Variants in HCN1 observed in about 807,000 individuals in gnomAD.
HCN1 encodes potassium/sodium hyperpolarization-activated cyclic nucleotide-gated channel 1.
In HCN1, 13 loss-of-function variants were observed where a neutral mutation model predicts 78.9. The ratio of observed to expected loss-of-function variants is 0.16; its 90% CI spans 0.11 to 0.26. The LOEUF (loss-of-function observed/expected upper bound fraction) is 0.26, where lower values mean the gene tolerates loss of function less well. Among genes scored for constraint, HCN1 ranks in the 10% least tolerant of loss-of-function variants. The pLI, the probability that HCN1 is intolerant of heterozygous loss-of-function variation, is 1.00. For synonymous variants in HCN1, 552 were observed against 455.5 expected, an observed-to-expected ratio of 1.21 and a Z score of -2.70; for missense variants, 810 against 1,154.3, an observed-to-expected ratio of 0.70 and a Z score of 4.32.
chr5:45,537,375 T>G (rs1363597844), intron 2 of HCN1, among the ~76,000 whole-genome samples: 2 of 149,008 alleles, frequency 1.3e-5, no homozygotes, highest in African/African-American at 4.9e-5. Context: ...AAAATCCTGG[T>G]ACACAGCTGA....
intron 2 of HCN1, among the ~76,000 whole-genome samples, chr5:45,497,554 G>T (rs1282167269): frequency 6.6e-6 from 1 of 152,018 alleles, no homozygotes; most frequent in African/African-American, 2.4e-5. Flanking sequence ...CCATTGGCTT[G>T]GTAGACCTTC....
At chr5:45,596,876 T>C (rs1050254166) in intron 2 of HCN1, among the ~76,000 whole-genome samples, 7 of 152,136 alleles carry the variant, frequency 4.6e-5, no homozygotes. Flanking sequence ...ATATCTTAAG[T>C]GAAAAGGCAA....
intron 1 of HCN1, among the ~76,000 whole-genome samples, chr5:45,682,280 TATATATATACAC>T (rs1488682068): frequency 1.8e-5 from 2 of 113,800 alleles, no homozygotes; most frequent in Admixed American, 8.9e-5. Flanking sequence ...TACATATATA[TATATATATACAC>T]ATATATATAT....
At chr5:45,296,023 G>T (rs569713972) in intron 6 of HCN1, among the ~76,000 whole-genome samples, 2 of 152,030 alleles carry the variant, frequency 1.3e-5, no homozygotes, top group East Asian at 1.9e-4. Flanking sequence ...TCTGTAAACT[G>T]CCCATAAAAG....
In HCN1 at chr5:45,256,753, C is replaced by T. The variant is rs1744624436; in HGVS notation, c.*5168G>A. On this transcript the variant is annotated 3_prime_UTR_variant, in exon 8 of 8. Transcript: ENST00000303230. ...TGGTCAATTAAAAAAATTTTTTTTC[C>T]TTGTAGAGACCAGGTCTTGACATGC... The T allele has an allele frequency of 6.6e-6, 1 of 152,032 alleles. No individual in the cohort carries two copies. Among genetic ancestry groups the T allele is most frequent in the East Asian group, 1.9e-4 (1 of 5,194 alleles). 9.4% of individuals were successfully genotyped at this position (152,032 alleles called of 1,614,324 possible). A position where few individuals can be genotyped will look rare whatever the true frequency, so the allele number is the denominator to read the frequency against.
chr5:45,338,412 G>A (rs1242804078), intron 5 of HCN1, among the ~76,000 whole-genome samples: 1 of 152,116 alleles, frequency 6.6e-6, no homozygotes, highest in Non-Finnish European at 1.5e-5. Context: ...AAGATAACAT[G>A]TTGTTGACAT....
chr5:45,338,747 A>G (rs1746515329), intron 5 of HCN1, among the ~76,000 whole-genome samples: 1 of 152,132 alleles, frequency 6.6e-6, no homozygotes, highest in African/African-American at 2.4e-5. Context: ...TATCACTGTG[A>G]CTTGAATGTA....
At chr5:45,609,405 C>A (rs539578260) in intron 2 of HCN1, among the ~76,000 whole-genome samples, 2 of 152,068 alleles carry the variant, frequency 1.3e-5, no homozygotes, top group Non-Finnish European at 2.9e-5. Flanking sequence ...AACTCTCCAA[C>A]TGTTGCATTT....
intron 7 of HCN1, 73 bp from the exon 8 acceptor site, chr5:45,262,883 C>T: frequency 6.6e-7 from 1 of 1,514,718 alleles, no homozygotes; most frequent in Non-Finnish European, 9.1e-7. Flanking sequence ...GAGAGTGGCT[C>T]CTGCAAACAG....
intron 2 of HCN1, among the ~76,000 whole-genome samples, chr5:45,561,353 T>C (rs1466393939): frequency 6.6e-6 from 1 of 152,084 alleles, no homozygotes; most frequent in African/African-American, 2.4e-5. Context: ...AAATTTCCAA[T>C]TCATCTTAAA....
intron 4 of HCN1, among the ~76,000 whole-genome samples, chr5:45,388,114 A>G (rs1222173422): frequency 2.0e-5 from 3 of 152,106 alleles, no homozygotes; most frequent in Non-Finnish European, 4.4e-5. Context: ...TACAGCTACT[A>G]TTGTTTTTCA....
intron 2 of HCN1, among the ~76,000 whole-genome samples, chr5:45,488,164 C>T (rs544914371): frequency 6.6e-6 from 1 of 152,092 alleles, no homozygotes; most frequent in African/African-American, 2.4e-5. Flanking sequence ...TGCAAACTAC[C>T]TTCTCCCAAC....
At chr5:45,459,473 A>G (rs115966573) in intron 3 of HCN1, among the ~76,000 whole-genome samples, 32 of 151,498 alleles carry the variant, frequency 2.1e-4, no homozygotes, top group Admixed American at 5.9e-4. Flanking sequence ...AGGATATTAA[A>G]AAAGGTTGAA....
chr5:45,395,133 A>T (rs931277455), intron 4 of HCN1, among the ~76,000 whole-genome samples: 2 of 152,158 alleles, frequency 1.3e-5, no homozygotes, highest in Admixed American at 1.3e-4. Flanking sequence ...TTTCTTATTG[A>T]GAAAATGTAT....
intron 4 of HCN1, among the ~76,000 whole-genome samples, chr5:45,388,382 C>T (rs560920096): frequency 6.6e-5 from 10 of 152,218 alleles, no homozygotes; most frequent in African/African-American, 2.2e-4. Context: ...AAGTAATATG[C>T]CTGTCCCGCT....
chr5:45,421,798 G>A (rs1740234269), intron 3 of HCN1, among the ~76,000 whole-genome samples: 1 of 152,118 alleles, frequency 6.6e-6, no homozygotes, highest in African/African-American at 2.4e-5. Context: ...GTGTCAGTAT[G>A]GTGGAATTCT....
chr5:45,277,129 A>G (rs1164904441), intron 6 of HCN1, among the ~76,000 whole-genome samples: 2 of 152,110 alleles, frequency 1.3e-5, no homozygotes, highest in Non-Finnish European at 2.9e-5. Flanking sequence ...ATTAACTTAC[A>G]TGGAATAGAG....
chr5:45,391,794 C>T (rs1202733466), intron 4 of HCN1, among the ~76,000 whole-genome samples: 1 of 152,170 alleles, frequency 6.6e-6, no homozygotes, highest in Non-Finnish European at 1.5e-5. Context: ...GATCTGTGTT[C>T]AAGCAAAATA....
chr5:45,584,716 G>C (rs1744168986), intron 2 of HCN1, among the ~76,000 whole-genome samples: 1 of 152,132 alleles, frequency 6.6e-6, no homozygotes, highest in African/African-American at 2.4e-5. Flanking sequence ...CTCTTTTAGG[G>C]CAGGCCTGGT....
Sources: allele counts gnomAD v4.1 joint callset (sites outside exome capture counted in the v4.1 genomes callset), GRCh38; gene constraint gnomAD v4.1.1; transcripts MANE v1.5; gene names NCBI Gene and HGNC (gene_info 2026-07-23, HGNC 2026-07-21).